Variants in SYNJ2 observed in about 807,000 individuals in gnomAD.
SYNJ2 encodes synaptojanin 2, also known as polyphosphatidylinositol phosphatase SYNJ2.
SYNJ2 carries 116 observed loss-of-function variants against 141.3 expected under a neutral mutation model. The ratio of observed to expected loss-of-function variants is 0.82; its 90% CI spans 0.71 to 0.96. SYNJ2 has a LOEUF of 0.96. SYNJ2 is among the 40% of genes least tolerant of loss of function. The pLI is 0.00. For synonymous variants in SYNJ2, 745 were observed against 777.7 expected, an observed-to-expected ratio of 0.96 and a Z score of 0.70; for missense variants, 1,873 against 1,934.8, an observed-to-expected ratio of 0.97 and a Z score of 0.60.
chr6:157,985,327 A>G (rs1234316150), intron 1 of SYNJ2, among the ~76,000 whole-genome samples: 1 of 152,266 alleles, frequency 6.6e-6, no homozygotes, highest in Non-Finnish European at 1.5e-5. Flanking sequence ...TGTTGAAGGA[A>G]TTATTCCAAA....
Position 158,095,995 on chromosome 6 carries a change from G to A in SYNJ2, c.4122G>A (p.Ala1374=), listed in dbSNP as rs368701215. ...GCCCCTCTGGGCACCCACCTGCCGC[G>A]GGCACCGTCTTCCCACAAGGGGACT... ...SDSPSGHPPA[A]GTVFPQGDFL... Residue 1374 remains alanine (A), a synonymous_variant, in exon 27 of 27, where the codon GCG becomes GCA. Transcript: ENST00000355585. The A allele has an allele frequency of 1.5e-4, 236 of 1,614,162 alleles. No individual in the cohort carries two copies. The highest frequency in any genetic ancestry group is 2.4e-4 in the African/African-American group (18 of 75,058).
intron 2 of SYNJ2, among the ~76,000 whole-genome samples, chr6:158,018,784 C>T (rs1778606242): frequency 6.6e-6 from 1 of 152,248 alleles, no homozygotes; most frequent in South Asian, 2.1e-4. Flanking sequence ...TCAGAAGCTT[C>T]AAGTAACTTG....
chr6:158,033,625 A>T lies in SYNJ2; in HGVS notation c.656A>T (p.His219Leu), dbSNP rs1779488100. The T allele has an allele frequency of 1.2e-6, 2 of 1,613,442 alleles. No homozygotes were observed. Among genetic ancestry groups the T allele is most frequent in the Non-Finnish European group, 1.7e-6 (2 of 1,180,004 alleles). The change falls in exon 4 of 27, where the codon CAC becomes CTC. Residue 219 changes from histidine (H) to leucine (L), a missense_variant. Physicochemically the swap from His to Leu is moderately conservative, Grantham distance 99. Coordinates refer to ENST00000355585, the MANE Select transcript of SYNJ2 (RefSeq NM_003898.4). ...VSCERTGTRF[H>L]TRGVNDDGHV... Reference sequence around the variant, plus strand: ...TGTGAGCGCACAGGCACTCGCTTCCACACCCGTGGCGTGAACGACGACGGC... The same window carrying T: ...TGTGAGCGCACAGGCACTCGCTTCCTCACCCGTGGCGTGAACGACGACGGC...
chr6:158,055,088 A>C, intron 6 of SYNJ2, 60 bp downstream of exon 6: 2 of 1,576,598 alleles, frequency 1.3e-6, no homozygotes, highest in Non-Finnish European at 1.7e-6. Flanking sequence ...TCGTCCTCCC[A>C]TCAGACACAA....
intron 1 of SYNJ2, among the ~76,000 whole-genome samples, chr6:157,997,476 G>A (rs1384189117): frequency 6.6e-6 from 1 of 152,216 alleles, no homozygotes; most frequent in Non-Finnish European, 1.5e-5. Flanking sequence ...AATGGAGGCA[G>A]AGATGGGAGT....
intron 12 of SYNJ2, 28 bp downstream of exon 12, chr6:158,066,663 A>C (rs1406697592): frequency 6.2e-7 from 1 of 1,609,066 alleles, no homozygotes. Flanking sequence ...GGGGGAGACA[A>C]AATCCAATTG....
At chr6:157,992,954 A>G (rs140864881) in intron 1 of SYNJ2, among the ~76,000 whole-genome samples, 89 of 151,318 alleles carry the variant, frequency 5.9e-4, no homozygotes, top group African/African-American at 2.1e-3. Context: ...TTTTGGGTAG[A>G]TACCCAGCAG....
At chr6:158,007,982 G>C (rs917320544) in intron 1 of SYNJ2, among the ~76,000 whole-genome samples, 2 of 151,984 alleles carry the variant, frequency 1.3e-5, no homozygotes, top group Non-Finnish European at 2.9e-5. Context: ...TATAGGGATG[G>C]AGTCTCACTG....
chr6:158,007,300 G>A (rs768036045), intron 1 of SYNJ2, among the ~76,000 whole-genome samples: 8 of 152,164 alleles, frequency 5.3e-5, no homozygotes, highest in African/African-American at 1.2e-4. Context: ...CTGCTGGGAC[G>A]CCTGGGGGAT....
chr6:158,044,443 G>A (rs1295475040), intron 5 of SYNJ2, among the ~76,000 whole-genome samples: 2 of 152,162 alleles, frequency 1.3e-5, no homozygotes, highest in African/African-American at 2.4e-5. Context: ...TAGGCTCCAC[G>A]CTCTGGTAGG....
At chr6:158,011,092 A>C (rs1024092469) in intron 1 of SYNJ2, among the ~76,000 whole-genome samples, 3 of 151,688 alleles carry the variant, frequency 2.0e-5, no homozygotes, top group South Asian at 2.1e-4. Context: ...GGATGGCCAC[A>C]TGACAATTGG....
intron 5 of SYNJ2, among the ~76,000 whole-genome samples, chr6:158,044,989 T>G (rs1442712509): frequency 6.6e-6 from 1 of 152,184 alleles, no homozygotes; most frequent in African/African-American, 2.4e-5. Context: ...ATGTAAAGTT[T>G]GTAAGAAATC....
chr6:158,064,979 AC>A lies in SYNJ2; in HGVS notation c.1514del (p.Thr505ArgfsTer5). Reference protein sequence around the residue: ...ADKGGMLLDSTALLVTPRILK... With the variant: ...ADKGGMLLDSXALLVTPRILK... Reference sequence around the variant, plus strand: ...CAAAGGGGGCATGCTGCTGGACAGCACGGCGCTCCTGGGTAGGGCCTGCCGC... The same window carrying A: ...CAAAGGGGGCATGCTGCTGGACAGCAGGCGCTCCTGGGTAGGGCCTGCCGC... On this transcript the variant is annotated frameshift_variant, in exon 11 of 27. Transcript: ENST00000355585. LOFTEE classifies it high-confidence loss of function. 6.3e-7 allele frequency: 1 copy of A among 1,584,148 alleles called. No homozygotes were observed. Among genetic ancestry groups the A allele is most frequent in the Non-Finnish European group, 8.6e-7 (1 of 1,164,196 alleles).
rs1035714427 is a variant in SYNJ2, at chr6:158,071,428, G to A, written c.1941-174G>A. Among the ~76,000 whole-genome samples the A allele has an allele frequency of 3.3e-5, 5 of 152,030 alleles. No homozygotes were observed. Among genetic ancestry groups the A allele is most frequent in the African/African-American group, 7.3e-5 (3 of 41,356 alleles). ...GGCAGCGGTGGGCAGCAGGAGGGAG[G>A]CGGCCTCCTGACCAGGAGTCGATGA... On this transcript the variant is annotated intron_variant, in intron 14 of 26. Coordinates refer to ENST00000355585, the MANE Select transcript of SYNJ2 (RefSeq NM_003898.4). This position sits in a 1 kb window ranked among gnomAD's most constrained non-coding sequence, Gnocchi z 4.3.
intron 2 of SYNJ2, chr6:158,028,465 A>G (rs1425071187): frequency 4.3e-6 from 2 of 462,796 alleles, no homozygotes; most frequent in Non-Finnish European, 7.9e-6. Flanking sequence ...GTTAAAGCAA[A>G]GCTTGCCCCC....
At chr6:158,063,703 A>C in intron 8 of SYNJ2, 88 bp from the exon 9 acceptor site, 4 of 484,624 alleles carry the variant, frequency 8.3e-6, no homozygotes, top group South Asian at 1.9e-5. Flanking sequence ...TTTCCTTGGG[A>C]GTCAAAAGTC....
intron 1 of SYNJ2, among the ~76,000 whole-genome samples, chr6:157,991,720 G>A (rs1003221943): frequency 1.3e-5 from 2 of 152,188 alleles, no homozygotes; most frequent in African/African-American, 4.8e-5. Flanking sequence ...GATGTGATCT[G>A]GCAAGGCAAA....
rs891744224 is a variant in SYNJ2, at chr6:158,070,747, G to A, written c.1941-855G>A. On this transcript the variant is annotated intron_variant, in intron 14 of 26. Transcript: ENST00000355585. This position sits in a 1 kb window ranked among gnomAD's most constrained non-coding sequence, Gnocchi z 4.0. ...CATGGCTGTGGAAATGTTAACAAATGTGCTTGCAGCCCATGTTTCTATGGA... is the reference window on the plus strand; with the variant it reads ...CATGGCTGTGGAAATGTTAACAAATATGCTTGCAGCCCATGTTTCTATGGA... Among the ~76,000 whole-genome samples the A allele has an allele frequency of 2.0e-5, 3 of 152,170 alleles. No homozygotes were observed. The highest frequency in any genetic ancestry group is 7.2e-5 in the African/African-American group (3 of 41,442).
chr6:158,083,981 G>T lies in SYNJ2; in HGVS notation c.3035-20G>T. 6.2e-7 allele frequency: 1 copy of T among 1,613,658 alleles called. No homozygotes were observed. The highest frequency in any genetic ancestry group is 1.1e-5 in the South Asian group (1 of 91,038). On this transcript the variant is annotated intron_variant, in intron 21 of 26. Coordinates refer to ENST00000355585, the MANE Select transcript of SYNJ2 (RefSeq NM_003898.4). ...CCCTCATTGTTTTCACCCGAATTGT[G>T]ATTCATTTCCTTCTCCCAGGGGATA...
Sources: gnomAD v4.1 joint callset for allele counts (sites outside exome capture counted in the v4.1 genomes callset) on GRCh38, gnomAD v4.1.1 for gene constraint, Gnocchi (gnomAD v3.1) non-coding constraint, MANE v1.5 for transcripts, NCBI Gene and HGNC (gene_info 2026-07-23, HGNC 2026-07-21) for gene names.